ORC1: variants seen among roughly 807,000 people sequenced by gnomAD.
ORC1 encodes the protein origin recognition complex subunit 1.
Under a neutral mutation model 98.9 loss-of-function variants are expected in ORC1, and 61 were observed. That is an observed-to-expected ratio of 0.62 (90% CI 0.50 to 0.76). The LOEUF (loss-of-function observed/expected upper bound fraction) is 0.76. Among genes scored for constraint, ORC1 ranks in the 30% least tolerant of loss-of-function variants. The pLI is 0.00. For synonymous variants in ORC1, 385 were observed against 406.9 expected, an observed-to-expected ratio of 0.95 and a Z score of 0.65; for missense variants, 979 against 1,072.2, an observed-to-expected ratio of 0.91 and a Z score of 1.21.
In ORC1 at chr1:52,397,877, G is replaced by C; in HGVS notation, c.224-14C>G. ...GAGGATCAGAGTCTAGAAAGAATTT[G>C]GTGGAAAGGGAAAGGTTAAGACAAC... On this transcript the variant is annotated splice_polypyrimidine_tract_variant and intron_variant, in intron 3 of 16. Coordinates refer to ENST00000371568, the MANE Select transcript of ORC1 (RefSeq NM_004153.4). The C allele has an allele frequency of 6.2e-7, 1 of 1,613,532 alleles. No homozygotes were observed. The highest frequency in any genetic ancestry group is 8.5e-7 in the Non-Finnish European group (1 of 1,179,424).
intron 10 of ORC1, 120 bp from the exon 11 acceptor site, chr1:52,384,841 G>C: frequency 1.2e-6 from 1 of 856,832 alleles, no homozygotes; most frequent in Non-Finnish European, 1.9e-6. Flanking sequence ...ATGTGGAGGT[G>C]GGGGCAGTAG....
In ORC1 at chr1:52,389,297, C is replaced by T. The variant is rs1647181190; in HGVS notation, c.1107G>A (p.Gln369=). 6.2e-7 allele frequency: 1 copy of T among 1,614,048 alleles called. No homozygotes were observed. Among genetic ancestry groups the T allele is most frequent in the African/African-American group, 1.3e-5 (1 of 74,924 alleles). The change falls in exon 7 of 17, where the codon CAG becomes CAA. Residue 369 remains glutamine, a synonymous_variant. Coordinates refer to ENST00000371568, the MANE Select transcript of ORC1 (RefSeq NM_004153.4). ...GATGGGGAGTAGAGGTCGCTTCATT[C>T]TGGGCTTTTGCTTCTTTTGCATCCC... ...KKRDAKEAKA[Q]NEATSTPHRI...
At chr1:52,406,897 G>A (rs1311382244), upstream of ORC1, among the ~76,000 whole-genome samples, 2 of 152,230 alleles carry the variant, frequency 1.3e-5, no homozygotes, top group Non-Finnish European at 2.9e-5. Flanking sequence ...TCTGGCTTCA[G>A]AGTTCATATT....
upstream of ORC1, chr1:52,408,448 G>A (rs1322639915): frequency 7.4e-7 from 1 of 1,343,560 alleles, no homozygotes; most frequent in Non-Finnish European, 1.1e-6. Flanking sequence ...CTCCACAATT[G>A]CAGCTTTCTT....
At chr1:52,404,844 C>T, upstream of ORC1, 1 of 1,614,232 alleles carries the variant, frequency 6.2e-7, no homozygotes, top group Non-Finnish European at 8.5e-7. Context: ...ATCTATGAGT[C>T]CAAGTACTGG....
At chr1:52,403,344 T>A (rs1202903527) in intron 1 of ORC1, among the ~76,000 whole-genome samples, 2 of 152,252 alleles carry the variant, frequency 1.3e-5, no homozygotes, top group Non-Finnish European at 2.9e-5. Context: ...GTTTTATTTA[T>A]TAAGTATCAT....
At chr1:52,397,902 C>T in intron 3 of ORC1, 39 bp from the exon 4 acceptor site, 3 of 1,560,770 alleles carry the variant, frequency 1.9e-6, no homozygotes, top group Non-Finnish European at 2.7e-6. Context: ...GTTAAGACAA[C>T]TCAAGGACAC....
intron 14 of ORC1, among the ~76,000 whole-genome samples, chr1:52,380,847 G>A (rs193218743): frequency 1.3e-5 from 2 of 152,278 alleles, no homozygotes; most frequent in Admixed American, 1.3e-4. Flanking sequence ...CTCCTGGAAA[G>A]CAAAGCCTGG....
At chr1:52,400,645 C>T (rs1647659252) in intron 3 of ORC1, among the ~76,000 whole-genome samples, 1 of 152,202 alleles carries the variant, frequency 6.6e-6, no homozygotes, top group Non-Finnish European at 1.5e-5. Context: ...TCTTCCTAAT[C>T]CTCCTTGTGG....
upstream of ORC1, chr1:52,405,681 T>C (rs1156432765): frequency 6.2e-7 from 1 of 1,612,836 alleles, no homozygotes; most frequent in East Asian, 2.2e-5. Flanking sequence ...GTTTTTTAGC[T>C]GAACTTGTAG....
At chr1:52,403,269 A>C (rs1647818183) in intron 1 of ORC1, among the ~76,000 whole-genome samples, 1 of 152,250 alleles carries the variant, frequency 6.6e-6, no homozygotes, top group African/African-American at 2.4e-5. Context: ...AAGTGAAAAA[A>C]TGCAAAATGG....
At chr1:52,390,321 AACAGCATAGT>A (rs1647191876) in intron 6 of ORC1, among the ~76,000 whole-genome samples, 1 of 152,250 alleles carries the variant, frequency 6.6e-6, no homozygotes, top group Non-Finnish European at 1.5e-5. Flanking sequence ...TAGTTACCAA[AACAGCATAGT>A]ACTGGTATAA....
chr1:52,396,427 C>A, intron 4 of ORC1, 63 bp from the exon 5 acceptor site: 1 of 1,603,116 alleles, frequency 6.2e-7, no homozygotes, highest in Middle Eastern at 1.7e-4. Context: ...AGGAGTATTC[C>A]ATCAGAGCTA....
chr1:52,391,286 G>A (rs1647207022), intron 6 of ORC1, among the ~76,000 whole-genome samples: 1 of 148,200 alleles, frequency 6.7e-6, no homozygotes, highest in Non-Finnish European at 1.5e-5. Flanking sequence ...TCCAGCCTGG[G>A]CGTCAGACAG....
chr1:52,377,116 G>A (rs1247178587), intron 14 of ORC1, among the ~76,000 whole-genome samples: 2 of 151,732 alleles, frequency 1.3e-5, no homozygotes, highest in African/African-American at 4.8e-5. Context: ...TCCACCTGTG[G>A]GGTTCAAGCG....
chr1:52,388,654 T>C lies in ORC1; in HGVS notation c.1188-17A>G. The C allele has an allele frequency of 1.3e-6, 2 of 1,596,278 alleles. No homozygotes were observed. The highest frequency in any genetic ancestry group is 1.7e-6 in the Non-Finnish European group (2 of 1,164,500). ...CCTAGAAACCTGAATGGTAGGGACA[T>C]ATTTTTTGATACTCAGTGTTCAAGT... On this transcript the variant is annotated splice_polypyrimidine_tract_variant and intron_variant, in intron 7 of 16. Coordinates refer to ENST00000371568, the MANE Select transcript of ORC1 (RefSeq NM_004153.4).
At chr1:52,399,841 G>A (rs980529197) in intron 3 of ORC1, among the ~76,000 whole-genome samples, 62 of 140,136 alleles carry the variant, frequency 4.4e-4, no homozygotes, top group Non-Finnish European at 1.6e-4. Flanking sequence ...ACACACACAA[G>A]AATTACAGCA....
At chr1:52,391,171 T>C (rs890760728) in intron 6 of ORC1, among the ~76,000 whole-genome samples, 2 of 151,458 alleles carry the variant, frequency 1.3e-5, no homozygotes, top group Non-Finnish European at 2.9e-5. Flanking sequence ...TAGCCAGGTG[T>C]AGTGGCTCGC....
In ORC1 at chr1:52,373,005, G is replaced by A. The variant is rs577623304; in HGVS notation, c.*176C>T. On this transcript the variant is annotated 3_prime_UTR_variant, in exon 17 of 17. Coordinates refer to ENST00000371568, the MANE Select transcript of ORC1 (RefSeq NM_004153.4). ...AAATCAGCTGGGCATGGTGGCATGT[G>A]CCTGTAGTTTCAGCCACCTGGGAGG... is the stretch of plus-strand genomic sequence containing the variant. 5.7e-5 allele frequency: 40 copies of A among 706,288 alleles called. No homozygotes were observed. In the East Asian group the frequency reaches 1.0e-3, roughly 18 times the overall value. 43.8% of individuals were successfully genotyped at this position (706,288 alleles called of 1,614,324 possible).
Sources: allele counts gnomAD v4.1 joint callset (sites outside exome capture counted in the v4.1 genomes callset), GRCh38; gene constraint gnomAD v4.1.1; transcripts MANE v1.5; gene names NCBI Gene and HGNC (gene_info 2026-07-23, HGNC 2026-07-21).